The following AMBRA1 variants were observed in gnomAD, a reference collection of about 807,000 sequenced individuals.
AMBRA1 encodes activating molecule in BECN1-regulated autophagy protein 1.
In AMBRA1, 47 loss-of-function variants were observed where a neutral mutation model predicts 125.4. The observed-to-expected ratio is 0.37, with a 90% CI of 0.30 to 0.48. AMBRA1 has a LOEUF of 0.48. Among genes scored for constraint, AMBRA1 ranks in the 20% least tolerant of loss-of-function variants. The pLI, the probability that AMBRA1 is intolerant of heterozygous loss-of-function variation, is 0.99. For missense variants in AMBRA1, 1,331 were observed against 1,693.4 expected (o/e 0.79, Z 3.76); for synonymous variants, 626 against 655.5 (o/e 0.95, Z 0.69).
chr11:46,416,192 A>G (rs1234516466), intron 15 of AMBRA1, among the ~76,000 whole-genome samples: 1 of 152,226 alleles, frequency 6.6e-6, no homozygotes. Context: ...AAAGATGCTT[A>G]TTAGATTTCT....
rs559683074 is a variant in AMBRA1, at chr11:46,397,421, G to C, written c.*29C>G. The C allele has an allele frequency of 2.7e-6, 4 of 1,467,104 alleles. No individual in the cohort carries two copies. In the East Asian group the frequency reaches 7.2e-5, roughly 26 times the overall value. The allele number at this position is 1,467,104 out of a possible 1,614,324, so 90.9% of individuals were successfully genotyped here. A position where few individuals can be genotyped will look rare whatever the true frequency, so the allele number is the denominator to read the frequency against. On this transcript the variant is annotated 3_prime_UTR_variant, in exon 18 of 18. Transcript: ENST00000683756. ...AGGTCCGGTTTCTGCTTGGCGGTTC[G>C]AGGGGAGGCACCAGTGCAACGTTTG...
chr11:46,563,971 C>T (rs985037432), intron 1 of AMBRA1, among the ~76,000 whole-genome samples: 53 of 151,188 alleles, frequency 3.5e-4, no homozygotes, highest in Admixed American at 3.0e-3. Flanking sequence ...ATGGAGAAAC[C>T]CCGTCTCTAC....
At chr11:46,428,690 C>T in intron 14 of AMBRA1, 2 of 1,603,376 alleles carry the variant, frequency 1.2e-6, no homozygotes, top group Admixed American at 1.7e-5. Context: ...ACCAAATCCG[C>T]CTCTAAACTG....
chr11:46,526,733 A>C (rs1277512636), intron 7 of AMBRA1, among the ~76,000 whole-genome samples: 1 of 143,128 alleles, frequency 7.0e-6, no homozygotes, highest in Non-Finnish European at 1.6e-5. Flanking sequence ...CCCCACACAC[A>C]CAAAAAAAAA....
At chr11:46,447,303 G>C (rs1396688372) in intron 11 of AMBRA1, among the ~76,000 whole-genome samples, 1 of 151,770 alleles carries the variant, frequency 6.6e-6, no homozygotes, top group African/African-American at 2.4e-5. Context: ...GTGAGGCCAA[G>C]GCAGGAGGAT....
rs140744650 is a variant in AMBRA1, at chr11:46,571,751, G to A, written c.-121+22077C>T. ...TCGCCCCAGGCTGGAGTGCAGTGGC[G>A]TGATCTCAGCTCAATGCAACCTCCA... On this transcript the variant is annotated intron_variant, in intron 1 of 17. Transcript: ENST00000683756. 2.0e-3 allele frequency among the ~76,000 whole-genome samples: 290 copies of A among 142,728 alleles called. 1 individual carries two copies. Among genetic ancestry groups the A allele is most frequent in the African/African-American group, 6.7e-3 (259 of 38,400 alleles). 93.6% of individuals were successfully genotyped at this position (142,728 alleles called of 152,430 possible).
chr11:46,507,176 C>CAAAAAAAAA (rs59385965), intron 9 of AMBRA1, among the ~76,000 whole-genome samples: 1 of 31,494 alleles, frequency 3.2e-5, no homozygotes, highest in African/African-American at 1.2e-4. Context: ...GACTCCGTCT[C>CAAAAAAAAA]AAAAAAAAAA....
chr11:46,462,300 C>G (rs569618674), intron 11 of AMBRA1, among the ~76,000 whole-genome samples: 1 of 152,302 alleles, frequency 6.6e-6, no homozygotes, highest in Non-Finnish European at 1.5e-5. Context: ...GCAAGCTTCT[C>G]TATATGCCCC....
At chr11:46,507,547 G>A (rs554096666) in intron 9 of AMBRA1, among the ~76,000 whole-genome samples, 5 of 151,010 alleles carry the variant, frequency 3.3e-5, no homozygotes, top group East Asian at 1.9e-4. Context: ...CTCCTTTAGC[G>A]CATCCTCCCA....
chr11:46,591,752 G>A (rs2044603636), intron 1 of AMBRA1, among the ~76,000 whole-genome samples: 2 of 151,528 alleles, frequency 1.3e-5, no homozygotes, highest in African/African-American at 4.8e-5. Flanking sequence ...CTACTCAGGA[G>A]GCTGAGGCAG....
At chr11:46,457,626 C>T (rs1041220878) in intron 11 of AMBRA1, among the ~76,000 whole-genome samples, 31 of 152,220 alleles carry the variant, frequency 2.0e-4, no homozygotes, top group African/African-American at 7.2e-4. Flanking sequence ...CTGGGCCAGG[C>T]GCAGTGGCTC....
intron 9 of AMBRA1, chr11:46,495,024 A>G (rs1359785686): frequency 6.6e-6 from 1 of 152,242 alleles, no homozygotes; most frequent in Non-Finnish European, 1.5e-5. Flanking sequence ...ATGGTCACAT[A>G]ACTAGTAAGT....
chr11:46,444,391 AT>A (rs367590170), intron 11 of AMBRA1, among the ~76,000 whole-genome samples: 1 of 152,146 alleles, frequency 6.6e-6, no homozygotes. Flanking sequence ...TAAAAAATGG[AT>A]TTTTTTAACA....
intron 14 of AMBRA1, among the ~76,000 whole-genome samples, chr11:46,421,561 AT>A (rs1436533705): frequency 8.5e-5 from 13 of 152,150 alleles, no homozygotes; most frequent in Non-Finnish European, 1.5e-4. Context: ...AATCATCCTG[AT>A]TTCACACATG....
intron 8 of AMBRA1, among the ~76,000 whole-genome samples, chr11:46,512,202 C>T (rs1951285490): frequency 6.6e-6 from 1 of 152,184 alleles, no homozygotes; most frequent in South Asian, 2.1e-4. Flanking sequence ...AATAAAATGC[C>T]AACTTGTTTT....
chr11:46,481,325 G>A (rs535842805), intron 11 of AMBRA1, among the ~76,000 whole-genome samples: 1 of 152,142 alleles, frequency 6.6e-6, no homozygotes, highest in African/African-American at 2.4e-5. Flanking sequence ...AAGGATCTGC[G>A]ACAAGGATAT....
rs1398623719 is a variant in AMBRA1 at position 46,583,652 on chromosome 11, C to CAA, written c.-121+10174_-121+10175dup. On this transcript the variant is annotated intron_variant, in intron 1 of 17. Transcript: ENST00000683756. ...TCTACAATGAACTCAAACAAATTTC[C>CAA]AAAAAAAAAAAAAAAAAAAAAAAAA... 4.9e-3 allele frequency among the ~76,000 whole-genome samples: 62 copies of CAA among 12,554 alleles called. 16 individuals are homozygous for CAA. Among genetic ancestry groups the CAA allele is most frequent in the East Asian group, 0.036 (12 of 336 alleles). The allele number at this position is 12,554 out of a possible 152,430, so 8.2% of individuals were successfully genotyped here.
chr11:46,486,069 A>G (rs932762809), intron 11 of AMBRA1, among the ~76,000 whole-genome samples: 5 of 152,216 alleles, frequency 3.3e-5, no homozygotes, highest in Admixed American at 6.5e-5. Flanking sequence ...TATTCCCTTC[A>G]CTTTCATCAC....
intron 7 of AMBRA1, among the ~76,000 whole-genome samples, chr11:46,533,055 C>T (rs1322649725): frequency 7.2e-5 from 11 of 151,884 alleles, no homozygotes; most frequent in Admixed American, 2.0e-4. Context: ...CCCAGCTACT[C>T]GGGAGGCTGA....
Sources: allele counts gnomAD v4.1 joint callset (sites outside exome capture counted in the v4.1 genomes callset), GRCh38; gene constraint gnomAD v4.1.1; transcripts MANE v1.5; gene names NCBI Gene and HGNC (gene_info 2026-07-23, HGNC 2026-07-21).